AGAP3: variants seen among roughly 807,000 people sequenced by gnomAD.
AGAP3 encodes the protein ArfGAP with GTPase domain, ankyrin repeat and PH domain 3, also known as arf-GAP with GTPase, ANK repeat and PH domain-containing protein 3.
AGAP3 carries 24 observed loss-of-function variants against 96.9 expected under a neutral mutation model. The observed-to-expected ratio is 0.25, with a 90% CI of 0.18 to 0.35. The LOEUF (loss-of-function observed/expected upper bound fraction) is 0.35, where lower values mean the gene tolerates loss of function less well. Ranked by LOEUF, AGAP3 falls within the 10% of genes least tolerant of loss-of-function variation. AGAP3 has a pLI of 1.00. For missense variants in AGAP3, 876 were observed against 1,254.2 expected (o/e 0.70, Z 4.55); for synonymous variants, 563 against 536.1 (o/e 1.05, Z -0.69).
rs142220148 is a variant in AGAP3, at chr7:151,116,494, G to A, written c.332-299G>A. The A allele has an allele frequency of 1.2e-3, 576 of 482,500 alleles. 2 individuals carry two copies. The highest frequency in any genetic ancestry group is 0.01 in the African/African-American group (517 of 51,054). The allele number at this position is 482,500 out of a possible 1,614,324, so 29.9% of individuals were successfully genotyped here. Reference sequence around the variant, plus strand: ...GCACTAGGCCAGGTGTGGCTTGGTGGGGGGACAATAAACCTGCTGGAGCAG... The same window carrying A: ...GCACTAGGCCAGGTGTGGCTTGGTGAGGGGACAATAAACCTGCTGGAGCAG... On this transcript the variant is annotated intron_variant, in intron 1 of 17. Transcript: ENST00000397238.
chr7:151,115,822 A>T (rs1799549731), intron 1 of AGAP3, among the ~76,000 whole-genome samples: 1 of 152,028 alleles, frequency 6.6e-6, no homozygotes, highest in Admixed American at 6.5e-5. Flanking sequence ...GACAGGCCGG[A>T]GGGGGAGCTC....
chr7:151,122,186 C>A (rs1799926278), intron 8 of AGAP3, among the ~76,000 whole-genome samples: 1 of 152,254 alleles, frequency 6.6e-6, no homozygotes, highest in Non-Finnish European at 1.5e-5. Flanking sequence ...ATCCACCTTC[C>A]TCCTCCCTGG....
At position 151,120,196 on chromosome 7, in the gene AGAP3, G is replaced by A. The variant is rs776400815; in HGVS notation, c.1128+51G>A. Reference sequence around the variant, plus strand: ...CCAGCTGCCTTTGCTGCACAGGCAGGGCTGAGCGCCGAGCTCCCAGCCAGG... The same window carrying A: ...CCAGCTGCCTTTGCTGCACAGGCAGAGCTGAGCGCCGAGCTCCCAGCCAGG... On this transcript the variant is annotated intron_variant, in intron 8 of 17. Transcript: ENST00000397238. 4 of 1,535,042 alleles carry A rather than the reference G, an allele frequency of 2.6e-6. No homozygotes were observed. In the Admixed American group the frequency reaches 5.8e-5, roughly 22 times the overall value.
At chr7:151,112,403 G>GTC in intron 1 of AGAP3, among the ~76,000 whole-genome samples, 1 of 112,042 alleles carries the variant, frequency 8.9e-6, no homozygotes, top group Admixed American at 7.9e-5. Flanking sequence ...AGACGTGTGT[G>GTC]TGTGTGTGTG....
chr7:151,127,469 A>G lies in AGAP3; in HGVS notation c.1222-1111A>G, dbSNP rs1800226060. ...CCCACACTCAGCCCCCAGTTTGTGG[A>G]TCTACCTGTGCCCCTCTTCCCCCTA... On this transcript the variant is annotated intron_variant, in intron 9 of 17. Coordinates refer to ENST00000397238, the MANE Select transcript of AGAP3 (RefSeq NM_031946.7). Among the ~76,000 whole-genome samples the G allele has an allele frequency of 2.0e-5, 3 of 152,086 alleles. No homozygotes were observed. The South Asian group carries it at 6.2e-4, about 32-fold the overall frequency.
chr7:151,142,092 T>C lies in AGAP3; in HGVS notation c.1959+40T>C. The C allele has an allele frequency of 4.4e-6, 7 of 1,607,634 alleles. No individual in the cohort carries two copies. Among genetic ancestry groups the C allele is most frequent in the Non-Finnish European group, 6.0e-6 (7 of 1,175,356 alleles). On this transcript the variant is annotated intron_variant, in intron 14 of 17. Coordinates refer to ENST00000397238, the MANE Select transcript of AGAP3 (RefSeq NM_031946.7). This position sits in a 1 kb window ranked among gnomAD's most constrained non-coding sequence, Gnocchi z 7.5. ...ACTGGGCCCACACAGAGCACCTGGC[T>C]GGGGTGGGACTGAAAGGGGCCTCAT... is the stretch of plus-strand genomic sequence containing the variant.
intron 1 of AGAP3, chr7:151,115,319 G>A: frequency 9.9e-6 from 10 of 1,009,988 alleles, no homozygotes; most frequent in Middle Eastern, 4.9e-4. Flanking sequence ...GGCGCGGCCT[G>A]GCGGCGCTCA....
Position 151,139,693 on chromosome 7 carries a change from T to A in AGAP3, c.1667-286T>A. 1 of 285,298 alleles carries A rather than the reference T, an allele frequency of 3.5e-6. No homozygotes were observed. The highest frequency in any genetic ancestry group is 6.5e-6 in the Non-Finnish European group (1 of 154,156). 17.7% of individuals were successfully genotyped at this position (285,298 alleles called of 1,614,324 possible). A position where few individuals can be genotyped will look rare whatever the true frequency, so the allele number is the denominator to read the frequency against. ...TCAGCTCCCCGTGAGTTCCCTGGGC[T>A]GCCTTCCACCCCTCCAGGCTGCAGA... On this transcript the variant is annotated intron_variant, in intron 12 of 17. Transcript: ENST00000397238. This position sits in a 1 kb window ranked among gnomAD's most constrained non-coding sequence, Gnocchi z 4.9.
chr7:151,118,123 A>C lies in AGAP3; in HGVS notation c.707-87A>C. ...GTGTTCCACTCACCAGGCCCTTTGC[A>C]CACCTGCCCTTGGGCCAAATGCCCC... On this transcript the variant is annotated intron_variant, in intron 5 of 17. Transcript: ENST00000397238. This position sits in a 1 kb window ranked among gnomAD's most constrained non-coding sequence, Gnocchi z 6.1. 1 of 1,514,724 alleles carries C rather than the reference A, an allele frequency of 6.6e-7. No individual in the cohort carries two copies. Among genetic ancestry groups the C allele is most frequent in the South Asian group, 1.3e-5 (1 of 78,444 alleles). The allele number at this position is 1,514,724 out of a possible 1,614,324, so 93.8% of individuals were successfully genotyped here.
In AGAP3 at chr7:151,143,669, T is replaced by G. The variant is rs1247365739; in HGVS notation, c.2530-68T>G. On this transcript the variant is annotated intron_variant, in intron 17 of 17. Transcript: ENST00000397238. This position sits in a 1 kb window ranked among gnomAD's most constrained non-coding sequence, Gnocchi z 5.9. ...TGTTCTTTGAAAGCAACCTCTTCTT[T>G]CCTCCCCTACAACCAATCTCTCTCC... 1 of 1,607,778 alleles carries G rather than the reference T, an allele frequency of 6.2e-7. No homozygotes were observed. The highest frequency in any genetic ancestry group is 1.3e-5 in the African/African-American group (1 of 74,926).
intron 1 of AGAP3, chr7:151,115,036 TG>T: frequency 1.0e-6 from 1 of 995,354 alleles, no homozygotes; most frequent in Non-Finnish European, 1.2e-6. Context: ...CGCCGGGGCC[TG>T]GCGCCCTCGG....
At chr7:151,116,936 G>C in intron 2 of AGAP3, 85 bp downstream of exon 2, 1 of 1,574,036 alleles carries the variant, frequency 6.4e-7, no homozygotes, top group Non-Finnish European at 8.7e-7. Context: ...TGCTTCTCCG[G>C]CTTCTGTCCC....
rs146303814 is a variant in AGAP3 at position 151,116,821 on chromosome 7, G to A, written c.360G>A (p.Thr120=). 2.4e-5 allele frequency: 39 copies of A among 1,614,104 alleles called. No individual in the cohort carries two copies. The East Asian group carries it at 2.5e-4, about 10-fold the overall frequency. Residue 120 remains threonine, a synonymous_variant, in exon 2 of 18, where the codon ACG becomes ACA. Transcript: ENST00000397238. The part of the protein sequence containing the change: ...EDSFVNSQEW[T]LSRSVPELKV... The stretch of plus-strand genomic sequence containing the variant: ...CGTTTGTGAACAGCCAGGAGTGGAC[G>A]CTGAGCCGCTCCGTACCGGAGCTTA...
intron 10 of AGAP3, 129 bp downstream of exon 10, chr7:151,128,813 C>G: frequency 1.3e-6 from 1 of 796,182 alleles, no homozygotes; most frequent in South Asian, 1.6e-5. Flanking sequence ...AATGGCTCAT[C>G]CCTGGAGAAG....
At chr7:151,087,711 G>T (rs917229166) in intron 1 of AGAP3, among the ~76,000 whole-genome samples, 1 of 152,264 alleles carries the variant, frequency 6.6e-6, no homozygotes, top group Non-Finnish European at 1.5e-5. Context: ...GGAGGCAGCT[G>T]CTGGGCAGCC....
intron 1 of AGAP3, among the ~76,000 whole-genome samples, chr7:151,106,058 A>T (rs1799044059): frequency 6.6e-6 from 1 of 152,042 alleles, no homozygotes; most frequent in South Asian, 2.1e-4. Flanking sequence ...CTTTGAAAAT[A>T]TGAAACAGAC....
chr7:151,097,660 G>A (rs1196689680), intron 1 of AGAP3, among the ~76,000 whole-genome samples: 2 of 152,094 alleles, frequency 1.3e-5, no homozygotes, highest in African/African-American at 4.8e-5. Context: ...AGCAAAGCAG[G>A]AATAGGAAGT....
At chr7:151,115,334 G>C (rs1334586221) in intron 1 of AGAP3, 40 of 1,016,172 alleles carry the variant, frequency 3.9e-5, no homozygotes, top group South Asian at 1.3e-4. Context: ...CGCTCAGGAA[G>C]AGCTTCAGCT....
chr7:151,129,453 G>A (rs936053567), intron 10 of AGAP3, among the ~76,000 whole-genome samples: 3 of 152,110 alleles, frequency 2.0e-5, no homozygotes, highest in Non-Finnish European at 4.4e-5. Context: ...ACCCAGGCCC[G>A]AGAGCACCGC....
Sources: allele counts gnomAD v4.1 joint callset (sites outside exome capture counted in the v4.1 genomes callset), GRCh38; gene constraint gnomAD v4.1.1; non-coding constraint Gnocchi (gnomAD v3.1); transcripts MANE v1.5; gene names NCBI Gene and HGNC (gene_info 2026-07-23, HGNC 2026-07-21).